DRC11L: variants seen among roughly 807,000 people sequenced by gnomAD.
DRC11L encodes the protein dynein regulatory complex subunit 11 like.
the DRC11L span, chr7:151,191,180 C>T: frequency 2.5e-6 from 1 of 399,444 alleles, no homozygotes; most frequent in African/African-American, 2.1e-5. Flanking sequence ...GCAGCCTCTT[C>T]TCCTCTCCTC....
chr7:151,193,721 G>A, the DRC11L span, among the ~76,000 whole-genome samples: 2 of 152,108 alleles, frequency 1.3e-5, no homozygotes, highest in South Asian at 4.1e-4. Flanking sequence ...ATGAGGAGTT[G>A]TGCATGGGTC....
chr7:151,196,247 G>A, the DRC11L span, among the ~76,000 whole-genome samples: 9 of 152,324 alleles, frequency 5.9e-5, no homozygotes, highest in East Asian at 3.9e-4. Context: ...GGGAACTGAC[G>A]TGGGCAGCAG....
At chr7:151,195,503 C>A in the DRC11L span, 4 of 399,592 alleles carry the variant, frequency 1.0e-5, no homozygotes, top group Non-Finnish European at 1.8e-5. Flanking sequence ...GAAACGAGTG[C>A]GTAGGTCACT....
At chr7:151,204,799 G>A in the DRC11L span, 1 of 399,004 alleles carries the variant, frequency 2.5e-6, no homozygotes, top group South Asian at 1.3e-4. Context: ...AGCTCCTGCA[G>A]GGTCGCGTGG....
the DRC11L span, among the ~76,000 whole-genome samples, chr7:151,202,472 C>A: frequency 2.0e-5 from 3 of 152,108 alleles, no homozygotes; most frequent in East Asian, 1.9e-4. Flanking sequence ...CTACTACAAA[C>A]CCTTTTGAAA....
At chr7:151,194,249 C>G in the DRC11L span, 2 of 398,958 alleles carry the variant, frequency 5.0e-6, no homozygotes, top group Admixed American at 8.8e-5. Flanking sequence ...CCCCCAGAGC[C>G]TCTCACCAAG....
At chr7:151,205,435 C>G in the DRC11L span, 1 of 399,238 alleles carries the variant, frequency 2.5e-6, no homozygotes, top group East Asian at 3.6e-5. Context: ...ACTCCAGCCC[C>G]TCACTCACCC....
the DRC11L span, among the ~76,000 whole-genome samples, chr7:151,197,670 T>G: frequency 2.0e-5 from 3 of 152,304 alleles, no homozygotes; most frequent in Admixed American, 2.0e-4. Flanking sequence ...CTTGCTCCTC[T>G]TCCCCATGCC....
chr7:151,204,277 C>A, the DRC11L span, among the ~76,000 whole-genome samples: 2 of 152,206 alleles, frequency 1.3e-5, no homozygotes, highest in African/African-American at 2.4e-5. Context: ...CAAGGCCAAA[C>A]CCCATCCTCT....
chr7:151,192,199 G>C, the DRC11L span: 1 of 398,518 alleles, frequency 2.5e-6, no homozygotes, highest in Non-Finnish European at 4.4e-6. Context: ...GTGAGGGCTC[G>C]CAGCAGCAAT....
the DRC11L span, chr7:151,193,484 G>A: frequency 2.5e-6 from 1 of 399,422 alleles, no homozygotes; most frequent in Non-Finnish European, 4.4e-6. Context: ...GTGGATATCC[G>A]GGGAGCCTGA....
At chr7:151,202,757 A>G in the DRC11L span, among the ~76,000 whole-genome samples, 2,769 of 152,358 alleles carry the variant, frequency 0.018, 59 homozygotes, top group African/African-American at 0.057. Context: ...AGGCTGAAGC[A>G]CGAGAATCGC....
chr7:151,191,610 C>T, the DRC11L span: 4 of 399,074 alleles, frequency 1.0e-5, no homozygotes, highest in African/African-American at 6.2e-5. Context: ...GCGCTGCTTA[C>T]CCACAGCCCC....
At chr7:151,190,881 C>T in the DRC11L span, 2 of 397,994 alleles carry the variant, frequency 5.0e-6, no homozygotes, top group Non-Finnish European at 8.9e-6. Flanking sequence ...AGTTTGTTCC[C>T]AAGTCATCTG....
chr7:151,196,311 G>T, the DRC11L span: 2 of 396,854 alleles, frequency 5.0e-6, no homozygotes, highest in African/African-American at 2.1e-5. Flanking sequence ...ATGAGCTGGG[G>T]ACTGGGGTTG....
chr7:151,202,317 C>G, the DRC11L span, among the ~76,000 whole-genome samples: 1 of 152,240 alleles, frequency 6.6e-6, no homozygotes, highest in South Asian at 2.1e-4. Context: ...AAGCAATGCT[C>G]CAGCCTCAGC....
the DRC11L span, chr7:151,194,307 A>T: frequency 5.0e-6 from 2 of 399,030 alleles, no homozygotes; most frequent in Non-Finnish European, 8.8e-6. Flanking sequence ...TCAAACAGGG[A>T]TGGCATGGGC....
At chr7:151,201,467 C>T in the DRC11L span, among the ~76,000 whole-genome samples, 2 of 152,236 alleles carry the variant, frequency 1.3e-5, no homozygotes, top group Admixed American at 6.5e-5. The surrounding 1 kb of genome is among the most constrained non-coding windows in gnomAD (Gnocchi z 4.1). Flanking sequence ...GCCCTGCTGT[C>T]GAGAACCTCC....
chr7:151,205,218 G>C, the DRC11L span, among the ~76,000 whole-genome samples: 1 of 152,092 alleles, frequency 6.6e-6, no homozygotes, highest in Non-Finnish European at 1.5e-5. Flanking sequence ...ATGGGAAGTG[G>C]GGGTGAGGGA....
Sources: gnomAD v4.1 joint callset for allele counts (sites outside exome capture counted in the v4.1 genomes callset) on GRCh38, gnomAD v4.1.1 for gene constraint, Gnocchi (gnomAD v3.1) non-coding constraint, MANE v1.5 for transcripts, NCBI Gene and HGNC (gene_info 2026-07-23, HGNC 2026-07-21) for gene names.